RCN3: variants seen among roughly 807,000 people sequenced by gnomAD.
RCN3 encodes the protein reticulocalbin-3.
A neutral mutation model predicts 35.9 loss-of-function variants in RCN3; 41 were observed. That is an observed-to-expected ratio of 1.14 (90% CI 0.89 to 1.48). RCN3 has a LOEUF of 1.48. Ranked by LOEUF, RCN3 falls within the 40% of genes most tolerant of loss-of-function variation. RCN3 has a pLI of 0.00. For missense variants in RCN3, 451 were observed against 471.3 expected (o/e 0.96, Z 0.40); for synonymous variants, 187 against 193.4 (o/e 0.97, Z 0.27).
At chr19:49,534,097 C>T in intron 2 of RCN3, 96 bp from the exon 3 acceptor site, 1 of 1,221,608 alleles carries the variant, frequency 8.2e-7, no homozygotes, top group Non-Finnish European at 1.1e-6. Flanking sequence ...GTATTTTCAG[C>T]CCCGGATCCG....
intron 5 of RCN3, among the ~76,000 whole-genome samples, chr19:49,539,803 A>C (rs556328749): frequency 6.8e-6 from 1 of 148,098 alleles, no homozygotes; most frequent in South Asian, 2.1e-4. Flanking sequence ...GCTCTCTGCA[A>C]CCTCCGCCTC....
rs2080171952 is a variant in RCN3, at chr19:49,543,191, C to T, written c.965C>T (p.Thr322Ile). The T allele has an allele frequency of 6.2e-7, 1 of 1,613,402 alleles. No homozygotes were observed. Among genetic ancestry groups the T allele is most frequent in the Non-Finnish European group, 8.5e-7 (1 of 1,179,702 alleles). The part of the protein sequence containing the change: ...SQATNYGEDL[T>I]RHHDEL ...GCCACCAACTATGGCGAGGACCTGACCCGGCACCACGATGAGCTGTGAGCA... is the reference window on the plus strand; with the variant it reads ...GCCACCAACTATGGCGAGGACCTGATCCGGCACCACGATGAGCTGTGAGCA... The change falls in exon 7 of 7, where the codon ACC (threonine) becomes ATC (isoleucine). Residue 322 changes from threonine to isoleucine, a missense_variant. Transcript: ENST00000270645.
intron 3 of RCN3, among the ~76,000 whole-genome samples, chr19:49,535,849 C>CA (rs777910956): frequency 3.3e-3 from 356 of 107,982 alleles, no homozygotes; most frequent in African/African-American, 8.1e-3. Context: ...GACTCTGTCT[C>CA]AAAAAAAAAA....
At chr19:49,534,067 TA>T in intron 2 of RCN3, 125 bp from the exon 3 acceptor site, 1 of 1,000,060 alleles carries the variant, frequency 1.0e-6, no homozygotes, top group Admixed American at 3.6e-5. Context: ...CCTCCCCAGT[TA>T]GCCCGCGGAC....
At chr19:49,530,835 C>T (rs1014705046) in intron 2 of RCN3, among the ~76,000 whole-genome samples, 5 of 152,122 alleles carry the variant, frequency 3.3e-5, no homozygotes, top group Non-Finnish European at 5.9e-5. Context: ...ACAAGGCCTC[C>T]ATGAGAAGGT....
rs570114137 is a variant in RCN3 at position 49,529,054 on chromosome 19, A to C, written c.242+340A>C. 1.8e-4 allele frequency among the ~76,000 whole-genome samples: 27 copies of C among 152,062 alleles called. No individual in the cohort carries two copies. The East Asian group carries it at 5.0e-3, about 28-fold the overall frequency. On this transcript the variant is annotated intron_variant, in intron 2 of 6. Transcript: ENST00000270645. ...AAATTAGGCAGGCGTGGTGGTGGGC[A>C]CCTGTAATCCCAGCTACTCGGGAGG...
intron 5 of RCN3, among the ~76,000 whole-genome samples, chr19:49,540,347 G>A (rs1404348645): frequency 6.6e-6 from 1 of 152,002 alleles, no homozygotes; most frequent in African/African-American, 2.4e-5. Flanking sequence ...TAAGAGATGG[G>A]GTTGGGCCAG....
rs1047437259 is a variant in RCN3, at chr19:49,534,338, G to C, written c.388G>C (p.Asp130His). 22 of 1,525,050 alleles carry C rather than the reference G, an allele frequency of 1.4e-5. No individual in the cohort carries two copies. The highest frequency in any genetic ancestry group is 1.9e-5 in the Non-Finnish European group (22 of 1,138,072). 94.5% of individuals were successfully genotyped at this position (1,525,050 alleles called of 1,614,324 possible). Residue 130 changes from aspartate (D) to histidine (H), a missense_variant, in exon 3 of 7, where the codon GAC becomes CAC. Transcript: ENST00000270645. ...AAWDTYDTDR[D>H]GRVGWEELRN... ...CTGGGACACGTACGACACGGACCGC[G>C]ACGGGCGTGTGGGTTGGGAGGAGCT...
At chr19:49,537,249 G>A (rs45518331) in intron 4 of RCN3, 44 bp downstream of exon 4, 25,558 of 1,415,184 alleles carry the variant, frequency 0.018, 277 homozygotes, top group Non-Finnish European at 0.02. Context: ...CCCTTCCGGG[G>A]ACCCAGGCTT....
rs56084109 is a variant in RCN3, at chr19:49,542,779, C to T, written c.879+27C>T. On this transcript the variant is annotated intron_variant, in intron 6 of 6. Transcript: ENST00000270645. ...TGCAGTGACGGGGCCTCGGCAGGAGCGAGGAGCGGGTGGGCATTGCGGGCC... is the reference window on the plus strand; with the variant it reads ...TGCAGTGACGGGGCCTCGGCAGGAGTGAGGAGCGGGTGGGCATTGCGGGCC... The T allele has an allele frequency of 0.08, 124,677 of 1,551,154 alleles. 5,924 individuals carry two copies. Among genetic ancestry groups the T allele is most frequent in the African/African-American group, 0.18 (13,480 of 74,048 alleles).
chr19:49,529,635 T>C (rs1051038204), intron 2 of RCN3, among the ~76,000 whole-genome samples: 3 of 152,024 alleles, frequency 2.0e-5, no homozygotes, highest in Non-Finnish European at 4.4e-5. Flanking sequence ...AAGAAGTCAA[T>C]AAGTAGAAAG....
chr19:49,534,215 C>A lies in RCN3; in HGVS notation c.265C>A (p.Arg89Ser). The A allele has an allele frequency of 6.7e-7, 1 of 1,488,614 alleles. No individual in the cohort carries two copies. The highest frequency in any genetic ancestry group is 2.6e-5 in the East Asian group (1 of 37,810). The allele number at this position is 1,488,614 out of a possible 1,614,324, so 92.2% of individuals were successfully genotyped here. ...TAGGCGGATCGTGGACCGCATGGACCGCGCGGGGGACGGCGACGGCTGGGT... is the reference window on the plus strand; with the variant it reads ...TAGGCGGATCGTGGACCGCATGGACAGCGCGGGGGACGGCGACGGCTGGGT... Reference protein sequence around the residue: ...RLGRIVDRMDRAGDGDGWVSL... With the variant: ...RLGRIVDRMDSAGDGDGWVSL... The change falls in exon 3 of 7, where the codon CGC becomes AGC. Residue 89 changes from arginine (R) to serine (S), a missense_variant. Physicochemically the swap from Arg to Ser is moderately radical, Grantham distance 110 (BLOSUM62 -1). Coordinates refer to ENST00000270645, the MANE Select transcript of RCN3 (RefSeq NM_020650.3).
chr19:49,542,500 C>A, intron 5 of RCN3, 53 bp from the exon 6 acceptor site: 1 of 1,361,278 alleles, frequency 7.3e-7, no homozygotes, highest in Non-Finnish European at 1.0e-6. Context: ...CCCCCAGCTC[C>A]ACTAGACCCC....
Position 49,537,087 on chromosome 19 carries a change from G to A in RCN3, c.500G>A (p.Arg167Gln), listed in dbSNP as rs1470175209. The change falls in exon 4 of 7, where the codon CGG becomes CAG. Residue 167 changes from arginine to glutamine, a missense_variant. Arg to Gln is a conservative substitution (Grantham distance 43). Transcript: ENST00000270645. Reference protein sequence around the residue: ...DAETYKKMLARDERRFRVADQ... With the variant: ...DAETYKKMLAQDERRFRVADQ... ...GAGACCTACAAAAAGATGCTGGCTC[G>A]GGACGAGCGGCGTTTCCGGGTGGCC... 8 of 1,590,414 alleles carry A rather than the reference G, an allele frequency of 5.0e-6. No homozygotes were observed. Among genetic ancestry groups the A allele is most frequent in the South Asian group, 3.4e-5 (3 of 88,628 alleles).
At chr19:49,534,703 C>T (rs939516445) in intron 3 of RCN3, among the ~76,000 whole-genome samples, 3 of 152,034 alleles carry the variant, frequency 2.0e-5, no homozygotes, top group Admixed American at 6.6e-5. Context: ...GAAACCTGGG[C>T]CCTCAAATTA....
At chr19:49,535,861 A>AAAAT (rs1555811305) in intron 3 of RCN3, among the ~76,000 whole-genome samples, 1 of 142,746 alleles carries the variant, frequency 7.0e-6, no homozygotes, top group African/African-American at 2.6e-5. Context: ...AAAAAAAAAA[A>AAAAT]ATATATATAT....
chr19:49,540,937 T>C (rs1330758511), intron 5 of RCN3, among the ~76,000 whole-genome samples: 1 of 145,686 alleles, frequency 6.9e-6, no homozygotes, highest in Non-Finnish European at 1.5e-5. Context: ...CATCTCTTTT[T>C]TTTTTTTTTT....
intron 2 of RCN3, among the ~76,000 whole-genome samples, chr19:49,532,026 C>T (rs1306167947): frequency 6.7e-6 from 1 of 149,618 alleles, no homozygotes; most frequent in Non-Finnish European, 1.5e-5. Flanking sequence ...TGGTCTAGAT[C>T]TGCTGACCTC....
chr19:49,534,097 C>A, intron 2 of RCN3, 96 bp from the exon 3 acceptor site: 1 of 1,221,606 alleles, frequency 8.2e-7, no homozygotes, highest in Non-Finnish European at 1.1e-6. Flanking sequence ...GTATTTTCAG[C>A]CCCGGATCCG....
Sources: allele counts gnomAD v4.1 joint callset (sites outside exome capture counted in the v4.1 genomes callset), GRCh38; gene constraint gnomAD v4.1.1; transcripts MANE v1.5; gene names NCBI Gene and HGNC (gene_info 2026-07-23, HGNC 2026-07-21).